Variants in FGL1 observed in about 807,000 individuals in gnomAD.
FGL1 encodes fibrinogen like 1.
FGL1 carries 59 observed loss-of-function variants against 43.7 expected under a neutral mutation model. The ratio of observed to expected loss-of-function variants is 1.35; its 90% confidence interval spans 1.10 to 1.68. FGL1 has a LOEUF of 1.68. Ranked by LOEUF, FGL1 falls within the 40% of genes most tolerant of loss-of-function variation. The probability of loss-of-function intolerance (pLI) is 0.00; values close to 1 mark genes in which losing one functional copy is unlikely to be tolerated. For synonymous variants in FGL1, 192 were observed against 126.5 expected (o/e 1.52, Z -3.48); for missense variants, 596 against 373.0 (o/e 1.60, Z -4.92).
Position 17,888,329 on chromosome 8 carries a change from T to C in FGL1, c.-17-2758A>G, listed in dbSNP as rs146319530. Among the ~76,000 whole-genome samples, 824 of 152,276 alleles carry C rather than the reference T, an allele frequency of 5.4e-3. 4 individuals are homozygous for C. The highest frequency in any genetic ancestry group is 0.019 in the African/African-American group (775 of 41,542). ...ATCAATTAATATTCGCTAATTAATA[T>C]AATAAGCTTGGAATTATTTAAGGAA... On this transcript the variant is annotated intron_variant, in intron 1 of 7. Coordinates refer to ENST00000427924, the MANE Select transcript of FGL1 (RefSeq NM_004467.4).
At position 17,885,555 on chromosome 8, in the gene FGL1, G is replaced by C. The variant is rs1338720355; in HGVS notation, c.-1C>G. 2.5e-6 allele frequency: 4 copies of C among 1,612,786 alleles called. No homozygotes were observed. The highest frequency in any genetic ancestry group is 2.7e-5 in the African/African-American group (2 of 74,828). ...GGATGAAACTGAACACCTTTGCCAT[G>C]TTCCCCCTTGAAAAAACTGCAAGAA... On this transcript the variant is annotated 5_prime_UTR_variant, in exon 2 of 8. Transcript: ENST00000427924.
In FGL1 at chr8:17,866,651, T is replaced by C. The variant is rs1481923540; in HGVS notation, c.779+1897A>G. On this transcript the variant is annotated intron_variant, in intron 7 of 7. Transcript: ENST00000427924. ...CCTTTCTTTGTGCTCCCTGAACCCA[T>C]TTCTTTAAAGTCAGGTAAATCGTTC... 3.9e-5 allele frequency among the ~76,000 whole-genome samples: 6 copies of C among 152,222 alleles called. No individual in the cohort carries two copies. The East Asian group carries it at 1.2e-3, about 29-fold the overall frequency.
rs915865316 is a variant in FGL1, at chr8:17,874,066, C to A, written c.455G>T (p.Gly152Val). 6.2e-7 allele frequency: 1 copy of A among 1,611,762 alleles called. No individual in the cohort carries two copies. The highest frequency in any genetic ancestry group is 2.2e-5 in the East Asian group (1 of 44,706). ...NGFGNFVQKHGEYWLGNKNLH... is the reference protein window; with the variant it reads ...NGFGNFVQKHVEYWLGNKNLH... ...ATTTTTATTGCCCAGCCAATATTCA[C>A]CATGTTTTTGGACAAAATTTCCAAA... Residue 152 changes from glycine to valine, a missense_variant, in exon 5 of 8, where the codon GGT becomes GTT. Transcript: ENST00000427924.
In FGL1 at chr8:17,864,714, C is replaced by T. The variant is rs368911782; in HGVS notation, c.817G>A (p.Gly273Ser). ...SANLNGVYYSGPYTAKTDNGI... is the reference protein window; with the variant it reads ...SANLNGVYYSSPYTAKTDNGI... ...TTGTCTGTTTTAGCCGTGTAGGGGC[C>T]GCTGTAGTATACACCATTCAGGTTT... The change falls in exon 8 of 8, where the codon GGC becomes AGC. Residue 273 changes from glycine (G) to serine (S), a missense_variant. Physicochemically the swap from Gly to Ser is moderately conservative, Grantham distance 56. Transcript: ENST00000427924. The T allele has an allele frequency of 5.2e-5, 84 of 1,611,642 alleles. No homozygotes were observed. Among genetic ancestry groups the T allele is most frequent in the Admixed American group, 6.7e-5 (4 of 59,272 alleles).
At chr8:17,883,840 C>T (rs1435886439) in intron 2 of FGL1, among the ~76,000 whole-genome samples, 2 of 147,846 alleles carry the variant, frequency 1.4e-5, no homozygotes, top group Non-Finnish European at 3.0e-5. Flanking sequence ...TTTCCTTTCT[C>T]AGAACCTCTC....
chr8:17,869,429 C>T lies in FGL1; in HGVS notation c.503-425G>A, dbSNP rs557582963. Among the ~76,000 whole-genome samples, 161 of 152,280 alleles carry T rather than the reference C, an allele frequency of 1.1e-3. 1 individual carries two copies. The highest frequency in any genetic ancestry group is 3.5e-3 in the African/African-American group (147 of 41,558). ...GGCTATTAATGACATTGTGTAATCT[C>T]TAGTAGCTGAGCCACTAGGTTTGTA... On this transcript the variant is annotated intron_variant, in intron 5 of 7. Transcript: ENST00000427924.
intron 3 of FGL1, among the ~76,000 whole-genome samples, chr8:17,880,221 G>A (rs1039820557): frequency 6.6e-6 from 1 of 152,162 alleles, no homozygotes; most frequent in African/African-American, 2.4e-5. Context: ...GTTGGATCAA[G>A]ATGCTGGCCA....
intron 3 of FGL1, among the ~76,000 whole-genome samples, chr8:17,876,733 A>G (rs1013902434): frequency 1.3e-5 from 2 of 152,192 alleles, no homozygotes; most frequent in Non-Finnish European, 2.9e-5. Flanking sequence ...AATACTAAAG[A>G]CTCACAAGGA....
At chr8:17,894,872 G>A (rs892396732) in intron 1 of FGL1, among the ~76,000 whole-genome samples, 3 of 144,988 alleles carry the variant, frequency 2.1e-5, no homozygotes, top group East Asian at 1.9e-4. Flanking sequence ...ATGTATGTAC[G>A]TAACATTATT....
Position 17,882,016 on chromosome 8 carries a change from C to A in FGL1, c.227G>T (p.Ser76Ile), listed in dbSNP as rs189727691. 1 of 1,613,820 alleles carries A rather than the reference C, an allele frequency of 6.2e-7. No individual in the cohort carries two copies. Among genetic ancestry groups the A allele is most frequent in the Non-Finnish European group, 8.5e-7 (1 of 1,179,870 alleles). The change falls in exon 3 of 8, where the codon AGC (serine) becomes ATC (isoleucine). Residue 76 changes from serine to isoleucine, a missense_variant. Ser to Ile is a moderately radical substitution (Grantham distance 142, BLOSUM62 -2). Transcript: ENST00000427924. ...GDENTVIDLGSKRQYADCSEI... is the reference protein window; with the variant it reads ...GDENTVIDLGIKRQYADCSEI... Reference sequence around the variant, plus strand: ...ATTCTGACCTGCATACTGCCTCTTGCTTCCAAGATCAATGACAGTATTCTC... The same window carrying A: ...ATTCTGACCTGCATACTGCCTCTTGATTCCAAGATCAATGACAGTATTCTC...
chr8:17,870,269 T>G (rs2053338213), intron 5 of FGL1, among the ~76,000 whole-genome samples: 1 of 152,208 alleles, frequency 6.6e-6, no homozygotes, highest in Admixed American at 6.5e-5. Flanking sequence ...GCATTATGTT[T>G]TTAAAATGAT....
At chr8:17,874,558 T>C (rs755889956) in intron 3 of FGL1, 37 bp from the exon 4 acceptor site, 13 of 1,561,834 alleles carry the variant, frequency 8.3e-6, no homozygotes, top group African/African-American at 1.4e-5. Context: ...ATTCATTATG[T>C]GTCTTTTTCT....
At chr8:17,893,355 A>G (rs934400126) in intron 1 of FGL1, among the ~76,000 whole-genome samples, 1 of 151,674 alleles carries the variant, frequency 6.6e-6, no homozygotes, top group South Asian at 2.1e-4. Context: ...AATTTTACCT[A>G]CGCACACTGT....
chr8:17,878,526 C>T (rs1286370579), intron 3 of FGL1, among the ~76,000 whole-genome samples: 1 of 152,050 alleles, frequency 6.6e-6, no homozygotes, highest in Non-Finnish European at 1.5e-5. Flanking sequence ...AAGTGAACGG[C>T]GGTGGTGACG....
chr8:17,881,716 C>T (rs1323181157), intron 3 of FGL1, among the ~76,000 whole-genome samples: 1 of 151,234 alleles, frequency 6.6e-6, no homozygotes, highest in East Asian at 2.0e-4. Flanking sequence ...CACCTGTAGT[C>T]CCAGCTACTC....
chr8:17,867,863 A>G (rs1585126032), intron 7 of FGL1, among the ~76,000 whole-genome samples: 1 of 152,240 alleles, frequency 6.6e-6, no homozygotes, highest in South Asian at 2.1e-4. Context: ...TGAGGCCAGG[A>G]GTTCGAGACC....
rs1324173874 is a variant in FGL1, at chr8:17,882,313, G to C, written c.64-134C>G. 1.3e-5 allele frequency: 11 copies of C among 869,336 alleles called. No individual in the cohort carries two copies. In the Admixed American group the frequency reaches 1.3e-4, roughly 10 times the overall value. The allele number at this position is 869,336 out of a possible 1,614,324, so 53.9% of individuals were successfully genotyped here. Reference sequence around the variant, plus strand: ...TTCAGAATATTATTCCAAAGAGAAAGTGGCTTGAAAAGTTCTAATACTGCC... The same window carrying C: ...TTCAGAATATTATTCCAAAGAGAAACTGGCTTGAAAAGTTCTAATACTGCC... On this transcript the variant is annotated intron_variant, in intron 2 of 7. Coordinates refer to ENST00000427924, the MANE Select transcript of FGL1 (RefSeq NM_004467.4).
intron 2 of FGL1, among the ~76,000 whole-genome samples, chr8:17,883,800 C>CCTTACT (rs2053586555): frequency 7.5e-6 from 1 of 132,582 alleles, no homozygotes; most frequent in Non-Finnish European, 1.6e-5. Flanking sequence ...TTTTCCTTCC[C>CCTTACT]CTTCCCCTTT....
chr8:17,870,843 T>C (rs1585129322), intron 5 of FGL1, among the ~76,000 whole-genome samples: 1 of 151,486 alleles, frequency 6.6e-6, no homozygotes, highest in African/African-American at 2.4e-5. Context: ...GAGGCAGAGG[T>C]TGCAGTGAGC....
Sources: allele counts gnomAD v4.1 joint callset (sites outside exome capture counted in the v4.1 genomes callset), GRCh38; gene constraint gnomAD v4.1.1; transcripts MANE v1.5; gene names NCBI Gene and HGNC (gene_info 2026-07-23, HGNC 2026-07-21).